Variants in MYO7A observed in about 807,000 individuals in gnomAD.
MYO7A encodes the protein myosin VIIA, also known as unconventional myosin-VIIa.
MYO7A carries 210 observed loss-of-function variants against 263.8 expected under a neutral mutation model. That is an observed-to-expected ratio of 0.80 (90% confidence interval 0.71 to 0.89). The LOEUF is 0.89. Ranked by LOEUF, MYO7A falls within the 40% of genes least tolerant of loss-of-function variation. MYO7A has a pLI of 0.00. For missense variants in MYO7A, 2,820 were observed against 2,968.3 expected, an observed-to-expected ratio of 0.95 and a Z score of 1.16; for synonymous variants, 1,239 against 1,197.3, an observed-to-expected ratio of 1.03 and a Z score of -0.72.
intron 2 of MYO7A, among the ~76,000 whole-genome samples, chr11:77,134,927 G>C (rs982875005): frequency 1.3e-5 from 2 of 151,866 alleles, no homozygotes; most frequent in African/African-American, 4.8e-5. Context: ...TGGGATTACA[G>C]GTCCCTGCCA....
intron 2 of MYO7A, among the ~76,000 whole-genome samples, chr11:77,131,505 C>T (rs1298841819): frequency 6.6e-6 from 1 of 152,210 alleles, no homozygotes; most frequent in Non-Finnish European, 1.5e-5. Context: ...GAGGAGACCC[C>T]CTTTAGAGCC....
chr11:77,198,521 A>G lies in MYO7A; in HGVS notation c.4468A>G (p.Ile1490Val), dbSNP rs1382486995. The G allele has an allele frequency of 3.7e-6, 6 of 1,613,782 alleles. No individual in the cohort carries two copies. The highest frequency in any genetic ancestry group is 1.7e-5 in the Admixed American group (1 of 60,012). Residue 1490 changes from isoleucine to valine, a missense_variant, in exon 34 of 49, where the codon ATC (isoleucine) becomes GTC (valine). By Grantham distance (29) the Ile-to-Val change is conservative. Transcript: ENST00000409709. ...CCCCAGTCTCCCCAAGAACGACGTC[A>G]TCGTGGCCGTCAACTGGACGGGTGT... ...SGPSLPKNDV[I>V]VAVNWTGVYF...
intron 2 of MYO7A, among the ~76,000 whole-genome samples, chr11:77,141,522 A>G (rs1490712266): frequency 8.5e-6 from 1 of 117,746 alleles, no homozygotes. Flanking sequence ...TTGGAGTACC[A>G]CCCAAAAAAG....
chr11:77,167,245 A>G (rs1418376964), intron 15 of MYO7A, among the ~76,000 whole-genome samples: 1 of 152,110 alleles, frequency 6.6e-6, no homozygotes, highest in Non-Finnish European at 1.5e-5. Context: ...AGGCTTGCCC[A>G]GGGTCCTCTG....
At chr11:77,188,066 T>A (rs531218704) in intron 27 of MYO7A, among the ~76,000 whole-genome samples, 1 of 152,240 alleles carries the variant, frequency 6.6e-6, no homozygotes, top group South Asian at 2.1e-4. Flanking sequence ...AGCTGACACT[T>A]CTAGGAAACA....
Position 77,142,778 on chromosome 11 carries a change from C to G in MYO7A, c.88C>G (p.Leu30Val). 6.2e-7 allele frequency: 1 copy of G among 1,611,332 alleles called. No homozygotes were observed. Among genetic ancestry groups the G allele is most frequent in the Non-Finnish European group, 8.5e-7 (1 of 1,179,034 alleles). Residue 30 changes from leucine to valine, a missense_variant, in exon 3 of 49, where the codon CTC becomes GTC. Transcript: ENST00000409709. Reference protein sequence around the residue: ...FDVPIGAVVKLCDSGQVQVVD... With the variant: ...FDVPIGAVVKVCDSGQVQVVD... ...CGTGCCCATCGGGGCGGTGGTGAAGCTCTGCGACTCTGGGCAGGTCCAGGT... is the reference window on the plus strand; with the variant it reads ...CGTGCCCATCGGGGCGGTGGTGAAGGTCTGCGACTCTGGGCAGGTCCAGGT...
At chr11:77,177,055 T>C (rs1173480943) in intron 18 of MYO7A, among the ~76,000 whole-genome samples, 1 of 152,080 alleles carries the variant, frequency 6.6e-6, no homozygotes, top group Non-Finnish European at 1.5e-5. Context: ...GGTGTCACTG[T>C]AGGGTCACCA....
At chr11:77,199,420 G>T in intron 34 of MYO7A, 115 bp from the exon 35 acceptor site, 1 of 1,166,426 alleles carries the variant, frequency 8.6e-7, no homozygotes. Context: ...CTCCCTCTGG[G>T]CCATGCCTGA....
intron 4 of MYO7A, among the ~76,000 whole-genome samples, chr11:77,154,163 TTA>T (rs1952226486): frequency 1.3e-5 from 2 of 152,106 alleles, no homozygotes; most frequent in Non-Finnish European, 2.9e-5. Flanking sequence ...CTGGCAAAGG[TTA>T]TGTCTTTGCC....
Position 77,192,915 on chromosome 11 carries a change from G to GTT in MYO7A, c.4152+637_4152+638insTT. On this transcript the variant is annotated intron_variant, in intron 31 of 48. Transcript: ENST00000409709. ...TAGTGATGGTGTTGGTGATGGTGGA[G>GTT]GGTAGTGATGGTGTTGTTTGTGATG... Among the ~76,000 whole-genome samples the GTT allele has an allele frequency of 3.5e-4, 2 of 5,786 alleles. 1 individual carries two copies. The highest frequency in any genetic ancestry group is 8.0e-3 in the East Asian group (2 of 250). 3.8% of individuals were successfully genotyped at this position (5,786 alleles called of 152,430 possible).
In MYO7A at chr11:77,181,522, TG is replaced by T. The variant is rs782636104; in HGVS notation, c.2838del (p.Met946IlefsTer116). 2 of 1,613,382 alleles carry T rather than the reference TG, an allele frequency of 1.2e-6. No individual in the cohort carries two copies. Among genetic ancestry groups the T allele is most frequent in the Non-Finnish European group, 1.7e-6 (2 of 1,179,864 alleles). On this transcript the variant is annotated frameshift_variant, in exon 23 of 49. Coordinates refer to ENST00000409709, the MANE Select transcript of MYO7A (RefSeq NM_000260.4). LOFTEE classifies it high-confidence loss of function. ...AATCACTCAGACATGGTGGACAAGA[TG>T]TTTGGCTTCCTGGGGACTTCAGGTG... ...PVNHSDMVDK[M>X]FGFLGTSGGL...
At chr11:77,150,220 C>T (rs1951868511) in intron 4 of MYO7A, among the ~76,000 whole-genome samples, 1 of 152,220 alleles carries the variant, frequency 6.6e-6, no homozygotes, top group African/African-American at 2.4e-5. Flanking sequence ...TCCCGCCGGG[C>T]CCCCTGCAGA....
intron 15 of MYO7A, among the ~76,000 whole-genome samples, chr11:77,169,308 T>A (rs1352887668): frequency 2.6e-5 from 4 of 152,234 alleles, no homozygotes; most frequent in African/African-American, 9.6e-5. Flanking sequence ...CCCTTGCTGG[T>A]GAAGGGCCCA....
chr11:77,211,080 C>G, intron 44 of MYO7A, 72 bp from the exon 45 acceptor site: 4 of 1,392,994 alleles, frequency 2.9e-6, no homozygotes. Flanking sequence ...CGTTGGGGGT[C>G]TTGGTGTGGT....
rs371268030 is a variant in MYO7A at position 77,194,462 on chromosome 11, G to A, written c.4261G>A (p.Glu1421Lys). The change falls in exon 32 of 49, where the codon GAG becomes AAG. Residue 1421 changes from glutamate (E) to lysine (K), a missense_variant. Physicochemically the swap from Glu to Lys is moderately conservative, Grantham distance 56. Coordinates refer to ENST00000409709, the MANE Select transcript of MYO7A (RefSeq NM_000260.4). Reference sequence around the variant, plus strand: ...CGTGCCCACCTACATCCCCGACCGCGAGATCACGCCCCTGAAGACGCTGGA... The same window carrying A: ...CGTGCCCACCTACATCCCCGACCGCAAGATCACGCCCCTGAAGACGCTGGA... ...NLVPTYIPDR[E>K]ITPLKTLEKW... is the part of the protein sequence containing the mutation. 65 of 1,609,958 alleles carry A rather than the reference G, an allele frequency of 4.0e-5. No homozygotes were observed. Among genetic ancestry groups the A allele is most frequent in the Non-Finnish European group, 4.8e-5 (56 of 1,178,326 alleles).
chr11:77,192,777 TGAA>T (rs1956186808), intron 31 of MYO7A, among the ~76,000 whole-genome samples: 1 of 20,328 alleles, frequency 4.9e-5, no homozygotes, highest in South Asian at 1.8e-3. Flanking sequence ...GTGGTGGAAA[TGAA>T]GAGGATAGTT....
At chr11:77,172,374 G>A (rs536592861) in intron 15 of MYO7A, among the ~76,000 whole-genome samples, 1 of 152,294 alleles carries the variant, frequency 6.6e-6, no homozygotes, top group African/African-American at 2.4e-5. Flanking sequence ...AGGTGACCAA[G>A]TCCGATTACT....
rs1214268995 is a variant in MYO7A at position 77,193,063 on chromosome 11, GGTGATGGTGGAGGTAGTTGTTT to G, written c.4152+803_4152+824del. ...TGATGGTGGAGGTGGTGATGGTGTT[GGTGATGGTGGAGGTAGTTGTTT>G]GTGATGGTGGAGGTAGTGATGCTGT... On this transcript the variant is annotated intron_variant, in intron 31 of 48. Coordinates refer to ENST00000409709, the MANE Select transcript of MYO7A (RefSeq NM_000260.4). Among the ~76,000 whole-genome samples the G allele has an allele frequency of 1.8e-4, 17 of 95,326 alleles. No homozygotes were observed. The South Asian group carries it at 2.5e-3, about 14-fold the overall frequency. The allele number at this position is 95,326 out of a possible 152,430, so 62.5% of individuals were successfully genotyped here.
intron 10 of MYO7A, 100 bp downstream of exon 10, chr11:77,159,623 C>A: frequency 1.6e-6 from 2 of 1,225,530 alleles, no homozygotes; most frequent in Non-Finnish European, 2.3e-6. Flanking sequence ...ATTGCTGGGA[C>A]CCTCTGGTTT....
Sources: allele counts gnomAD v4.1 joint callset (sites outside exome capture counted in the v4.1 genomes callset), GRCh38; gene constraint gnomAD v4.1.1; transcripts MANE v1.5; gene names NCBI Gene and HGNC (gene_info 2026-07-23, HGNC 2026-07-21).